PDS5B: variants seen among roughly 807,000 people sequenced by gnomAD.
The protein encoded by PDS5B is PDS5 cohesin associated factor B.
In PDS5B, 51 loss-of-function variants were observed where a neutral mutation model predicts 184.1. That is an observed-to-expected ratio of 0.28 (90% CI 0.22 to 0.35). PDS5B has a LOEUF of 0.35. Among genes scored for constraint, PDS5B ranks in the 10% least tolerant of loss-of-function variants. The probability of loss-of-function intolerance (pLI) is 1.00; values close to 1 mark genes in which losing one functional copy is unlikely to be tolerated. For missense variants in PDS5B, 1,180 were observed against 1,723.3 expected (o/e 0.68, Z 5.58); for synonymous variants, 566 against 569.2 (o/e 0.99, Z 0.08).
At chr13:32,618,079 T>C (rs956139827) in intron 1 of PDS5B, among the ~76,000 whole-genome samples, 29 of 152,182 alleles carry the variant, frequency 1.9e-4, no homozygotes, top group African/African-American at 6.5e-4. Flanking sequence ...AGCCAAACGC[T>C]GGCTGCCAGG....
intron 11 of PDS5B, among the ~76,000 whole-genome samples, chr13:32,684,408 T>C (rs1363322378): frequency 1.3e-5 from 2 of 152,222 alleles, no homozygotes; most frequent in Non-Finnish European, 2.9e-5. Flanking sequence ...GGTAGTTGTC[T>C]AGCTGGTTGT....
intron 19 of PDS5B, among the ~76,000 whole-genome samples, chr13:32,726,440 T>G (rs1952903848): frequency 6.6e-6 from 1 of 152,220 alleles, no homozygotes; most frequent in Non-Finnish European, 1.5e-5. Context: ...GACAGTTATC[T>G]TTGGGAGCAG....
intron 21 of PDS5B, 67 bp from the exon 22 acceptor site, chr13:32,741,013 A>T (rs1953523185): frequency 1.1e-6 from 1 of 899,226 alleles, no homozygotes; most frequent in Non-Finnish European, 1.8e-6. Flanking sequence ...TCTAAGTGCT[A>T]ATTGAAAAGA....
chr13:32,753,284 C>T (rs777796097), intron 24 of PDS5B, 48 bp from the exon 25 acceptor site: 23 of 1,480,632 alleles, frequency 1.6e-5, no homozygotes, highest in Non-Finnish European at 2.2e-5. Flanking sequence ...GAAGTTGTTA[C>T]TCTTTGCTGC....
chr13:32,686,924 AT>A (rs1471130479), intron 11 of PDS5B, among the ~76,000 whole-genome samples: 1 of 152,050 alleles, frequency 6.6e-6, no homozygotes, highest in East Asian at 1.9e-4. Flanking sequence ...ACACATGTTG[AT>A]TTTTCTCCCA....
intron 1 of PDS5B, among the ~76,000 whole-genome samples, chr13:32,587,077 G>A (rs2057696274): frequency 6.8e-6 from 1 of 147,498 alleles, no homozygotes; most frequent in African/African-American, 2.4e-5. Flanking sequence ...CGGGCGGCGC[G>A]GTGCTCCTGT....
At chr13:32,730,423 A>G (rs1413068761) in intron 19 of PDS5B, among the ~76,000 whole-genome samples, 1 of 152,176 alleles carries the variant, frequency 6.6e-6, no homozygotes, top group Admixed American at 6.5e-5. Context: ...TGTCTTGGCT[A>G]TATGGGCTCT....
At chr13:32,616,722 TAAA>T (rs1031237051) in intron 1 of PDS5B, among the ~76,000 whole-genome samples, 1 of 151,788 alleles carries the variant, frequency 6.6e-6, no homozygotes, top group Non-Finnish European at 1.5e-5. Context: ...TATAGCCTTT[TAAA>T]AAAAAATTTG....
intron 13 of PDS5B, chr13:32,690,593 C>T (rs1454458073): frequency 6.6e-6 from 1 of 151,784 alleles, no homozygotes; most frequent in Non-Finnish European, 1.5e-5. Flanking sequence ...ATACCAGAAA[C>T]AAAATAGAAA....
intron 22 of PDS5B, among the ~76,000 whole-genome samples, chr13:32,741,557 G>A (rs560910875): frequency 4.6e-5 from 7 of 152,056 alleles, no homozygotes; most frequent in African/African-American, 1.7e-4. Flanking sequence ...CTCATCATTG[G>A]TATAGACTCT....
chr13:32,652,960 T>C (rs1427031493), intron 3 of PDS5B, among the ~76,000 whole-genome samples: 2 of 152,146 alleles, frequency 1.3e-5, no homozygotes, highest in Non-Finnish European at 1.5e-5. Flanking sequence ...AGATACTGAA[T>C]GTTTATAAGG....
At chr13:32,712,589 C>T (rs1235420649) in intron 19 of PDS5B, among the ~76,000 whole-genome samples, 1 of 152,172 alleles carries the variant, frequency 6.6e-6, no homozygotes, top group Non-Finnish European at 1.5e-5. Flanking sequence ...ACCAACTGGA[C>T]AGAATTGGCA....
intron 24 of PDS5B, among the ~76,000 whole-genome samples, chr13:32,748,323 T>C (rs1490608823): frequency 6.6e-6 from 1 of 152,222 alleles, no homozygotes; most frequent in East Asian, 1.9e-4. Flanking sequence ...AAATGTCCTG[T>C]TGAAGTCCTC....
intron 24 of PDS5B, among the ~76,000 whole-genome samples, chr13:32,749,829 C>CG (rs1953909515): frequency 6.6e-6 from 1 of 151,822 alleles, no homozygotes; most frequent in Non-Finnish European, 1.5e-5. Context: ...GGAACTTTAT[C>CG]TGGGGGGGCG....
intron 24 of PDS5B, among the ~76,000 whole-genome samples, chr13:32,750,275 G>C (rs1348392021): frequency 6.6e-6 from 1 of 152,174 alleles, no homozygotes; most frequent in Non-Finnish European, 1.5e-5. Flanking sequence ...TGAATGATTA[G>C]TCAGAGAGGG....
chr13:32,588,598 A>G (rs184189971), intron 1 of PDS5B, among the ~76,000 whole-genome samples: 5 of 151,550 alleles, frequency 3.3e-5, no homozygotes, highest in African/African-American at 7.3e-5. Context: ...GATTTTCCCT[A>G]TATTAACTTT....
chr13:32,604,707 C>CT (rs2058032839), intron 1 of PDS5B, among the ~76,000 whole-genome samples: 1 of 152,074 alleles, frequency 6.6e-6, no homozygotes, highest in Non-Finnish European at 1.5e-5. Flanking sequence ...TGGTCCTGGA[C>CT]TTTTTTTGGT....
Position 32,651,815 on chromosome 13 carries a change from A to G in PDS5B, c.120A>G (p.Lys40=), listed in dbSNP as rs1950374205. ...EMVRRLKMVV[K]TFMDMDQDSE... is the part of the protein sequence containing the mutation. ...TTATTTTTGTATAGATGGTTGTGAA[A>G]ACTTTTATGGATATGGACCAGGACT... The change falls in exon 3 of 35, where the codon AAA becomes AAG. Residue 40 remains lysine (K), a synonymous_variant. Coordinates refer to ENST00000315596, the MANE Select transcript of PDS5B (RefSeq NM_015032.4). 1.2e-6 allele frequency: 2 copies of G among 1,601,198 alleles called. No homozygotes were observed. The highest frequency in any genetic ancestry group is 1.3e-5 in the African/African-American group (1 of 74,558).
intron 31 of PDS5B, among the ~76,000 whole-genome samples, chr13:32,767,780 G>GT (rs1266424955): frequency 1.3e-5 from 2 of 152,068 alleles, no homozygotes; most frequent in Non-Finnish European, 2.9e-5. Context: ...AAGGATGAAA[G>GT]TTTTTTTCAA....
Sources: allele counts gnomAD v4.1 joint callset (sites outside exome capture counted in the v4.1 genomes callset), GRCh38; gene constraint gnomAD v4.1.1; transcripts MANE v1.5; gene names NCBI Gene and HGNC (gene_info 2026-07-23, HGNC 2026-07-21).